The following FSIP1 variants were observed in gnomAD, a reference collection of about 807,000 sequenced individuals.
FSIP1 encodes fibrous sheath-interacting protein 1.
FSIP1 carries 65 observed loss-of-function variants against 60.9 expected under a neutral mutation model. The observed-to-expected ratio is 1.07, with a 90% CI of 0.87 to 1.31. The LOEUF is 1.31. Ranked by LOEUF, FSIP1 falls within the 40% of genes most tolerant of loss-of-function variation. FSIP1 has a pLI of 0.00. For synonymous variants in FSIP1, 209 were observed against 221.2 expected, an observed-to-expected ratio of 0.94 and a Z score of 0.49; for missense variants, 675 against 665.5, an observed-to-expected ratio of 1.01 and a Z score of -0.16.
At chr15:39,781,231 C>T (rs1326750107) in intron 1 of FSIP1, among the ~76,000 whole-genome samples, 1 of 151,974 alleles carries the variant, frequency 6.6e-6, no homozygotes, top group African/African-American at 2.4e-5. Context: ...ACATCATTAC[C>T]CCTCAAAAAA....
intron 10 of FSIP1, among the ~76,000 whole-genome samples, chr15:39,636,999 A>G (rs1391413948): frequency 6.6e-6 from 1 of 152,174 alleles, no homozygotes; most frequent in Non-Finnish European, 1.5e-5. Context: ...CAATTGTTGC[A>G]TGGAAGTCCC....
intron 1 of FSIP1, among the ~76,000 whole-genome samples, chr15:39,777,064 T>C (rs2140736211): frequency 6.6e-6 from 1 of 152,066 alleles, no homozygotes; most frequent in Middle Eastern, 3.4e-3. Context: ...GTAGCTGGGA[T>C]TACAGGAGCC....
intron 10 of FSIP1, among the ~76,000 whole-genome samples, chr15:39,682,912 C>A (rs1894223163): frequency 6.6e-6 from 1 of 152,116 alleles, no homozygotes; most frequent in African/African-American, 2.4e-5. Context: ...AACTCTCTTG[C>A]TATAAATTAA....
chr15:39,627,815 T>C (rs1265745182), intron 10 of FSIP1, among the ~76,000 whole-genome samples: 1 of 152,258 alleles, frequency 6.6e-6, no homozygotes, highest in African/African-American at 2.4e-5. Context: ...TCTCTGGTGA[T>C]GCTTTCACTA....
At chr15:39,710,058 T>C (rs1472839704) in intron 10 of FSIP1, among the ~76,000 whole-genome samples, 1 of 152,200 alleles carries the variant, frequency 6.6e-6, no homozygotes, top group Admixed American at 6.5e-5. Context: ...TAGTCATCTA[T>C]GAGGTACAGT....
chr15:39,616,145 T>C (rs1229633524), intron 11 of FSIP1, among the ~76,000 whole-genome samples: 5 of 152,186 alleles, frequency 3.3e-5, no homozygotes, highest in Admixed American at 3.3e-4. Context: ...AAAATCCAAA[T>C]ATTTATATAG....
chr15:39,671,938 C>G (rs1446832496), intron 10 of FSIP1, among the ~76,000 whole-genome samples: 1 of 152,170 alleles, frequency 6.6e-6, no homozygotes, highest in Non-Finnish European at 1.5e-5. Flanking sequence ...CTAGCCTTCC[C>G]AAAGAGCACA....
intron 10 of FSIP1, among the ~76,000 whole-genome samples, chr15:39,624,312 T>C (rs1488545479): frequency 6.6e-6 from 1 of 152,236 alleles, no homozygotes; most frequent in Non-Finnish European, 1.5e-5. Flanking sequence ...ACAAGATTAA[T>C]GATGGAAGTG....
intron 10 of FSIP1, among the ~76,000 whole-genome samples, chr15:39,666,990 TCCAC>T (rs1198609814): frequency 6.6e-6 from 1 of 152,200 alleles, no homozygotes; most frequent in Non-Finnish European, 1.5e-5. Context: ...ATTCTTCAGC[TCCAC>T]CCTAAATCTG....
intron 10 of FSIP1, among the ~76,000 whole-genome samples, chr15:39,641,310 A>G (rs1444008409): frequency 6.6e-6 from 1 of 152,192 alleles, no homozygotes; most frequent in African/African-American, 2.4e-5. Context: ...GTGTCAGCAT[A>G]TTACCCACCA....
chr15:39,723,529 T>G (rs922152315), intron 9 of FSIP1, among the ~76,000 whole-genome samples: 3 of 152,206 alleles, frequency 2.0e-5, no homozygotes, highest in Admixed American at 1.3e-4. Context: ...ATGCCCAGCC[T>G]GAAGTGAGAC....
At chr15:39,671,449 A>G (rs1226861801) in intron 10 of FSIP1, among the ~76,000 whole-genome samples, 5 of 152,226 alleles carry the variant, frequency 3.3e-5, no homozygotes, top group African/African-American at 1.2e-4. Flanking sequence ...GACTAATTAT[A>G]TGAAGACTAT....
At position 39,600,801 on chromosome 15, in the gene FSIP1, T is replaced by C. The variant is rs1890610974; in HGVS notation, c.*79A>G. The stretch of plus-strand genomic sequence containing the variant: ...AGAATAGTCTCTGCAGTGCATTCAT[T>C]GAATTCAAATAATTCAATAAGAAAT... On this transcript the variant is annotated 3_prime_UTR_variant, in exon 12 of 12. Transcript: ENST00000350221. The C allele has an allele frequency of 8.6e-7, 1 of 1,158,502 alleles. No homozygotes were observed. Among genetic ancestry groups the C allele is most frequent in the Non-Finnish European group, 1.3e-6 (1 of 791,556 alleles). 71.8% of individuals were successfully genotyped at this position (1,158,502 alleles called of 1,614,324 possible). A position where few individuals can be genotyped will look rare whatever the true frequency, so the allele number is the denominator to read the frequency against.
chr15:39,765,486 C>G (rs925791518), intron 4 of FSIP1, 106 bp downstream of exon 4: 3 of 759,340 alleles, frequency 4.0e-6, no homozygotes, highest in Admixed American at 3.4e-5. Flanking sequence ...TCAAGCAATC[C>G]TCCTGCCTCA....
At chr15:39,733,598 C>A (rs1896496518) in intron 8 of FSIP1, among the ~76,000 whole-genome samples, 1 of 152,178 alleles carries the variant, frequency 6.6e-6, no homozygotes, top group Admixed American at 6.5e-5. Context: ...ATACCTGAAT[C>A]CCCCTTCTCA....
chr15:39,695,676 A>G (rs1894785933), intron 10 of FSIP1, among the ~76,000 whole-genome samples: 1 of 152,206 alleles, frequency 6.6e-6, no homozygotes, highest in Admixed American at 6.5e-5. Context: ...GAGCCCACTG[A>G]CTACGGGACA....
intron 10 of FSIP1, among the ~76,000 whole-genome samples, chr15:39,629,319 G>A (rs1377895147): frequency 6.6e-6 from 1 of 152,146 alleles, no homozygotes; most frequent in Non-Finnish European, 1.5e-5. Context: ...TACACTTCAA[G>A]GCTGACACTA....
intron 10 of FSIP1, among the ~76,000 whole-genome samples, chr15:39,621,786 C>A (rs1038204720): frequency 2.0e-5 from 3 of 152,090 alleles, no homozygotes; most frequent in African/African-American, 7.2e-5. Flanking sequence ...TAAGTAAGAG[C>A]AAATGAAATA....
At chr15:39,745,795 T>G (rs754154857) in intron 5 of FSIP1, among the ~76,000 whole-genome samples, 1 of 152,162 alleles carries the variant, frequency 6.6e-6, no homozygotes, top group Admixed American at 6.5e-5. Flanking sequence ...AATGTTATAA[T>G]AAAATGACAG....
Sources: gnomAD v4.1 joint callset for allele counts (sites outside exome capture counted in the v4.1 genomes callset) on GRCh38, gnomAD v4.1.1 for gene constraint, MANE v1.5 for transcripts, NCBI Gene and HGNC (gene_info 2026-07-23, HGNC 2026-07-21) for gene names.